Variants in DIAPH3 observed in about 807,000 individuals in gnomAD.
DIAPH3 encodes the protein protein diaphanous homolog 3.
Under a neutral mutation model 144.3 loss-of-function variants are expected in DIAPH3, and 117 were observed. The observed-to-expected ratio is 0.81, with a 90% CI of 0.70 to 0.95. DIAPH3 has a LOEUF of 0.95. Ranked by LOEUF, DIAPH3 falls within the 40% of genes least tolerant of loss-of-function variation. DIAPH3 has a pLI of 0.00. For missense variants in DIAPH3, 1,421 were observed against 1,412.7 expected, an observed-to-expected ratio of 1.01 and a Z score of -0.09; for synonymous variants, 519 against 488.9, an observed-to-expected ratio of 1.06 and a Z score of -0.81.
intron 20 of DIAPH3, among the ~76,000 whole-genome samples, chr13:59,890,241 C>A (rs1238282328): frequency 6.6e-6 from 1 of 152,106 alleles, no homozygotes; most frequent in Non-Finnish European, 1.5e-5. Context: ...CCTGTAGATA[C>A]CAGCTGTTTC....
chr13:59,750,268 C>T (rs952635975), intron 27 of DIAPH3, among the ~76,000 whole-genome samples: 2 of 152,152 alleles, frequency 1.3e-5, no homozygotes, highest in Non-Finnish European at 2.9e-5. Flanking sequence ...GCTATGTTTA[C>T]ACAATAGCTG....
intron 4 of DIAPH3, among the ~76,000 whole-genome samples, chr13:60,075,682 C>T (rs571955321): frequency 7.2e-5 from 11 of 152,276 alleles, no homozygotes; most frequent in Middle Eastern, 3.4e-3. Context: ...TAGTGATGAA[C>T]GGGGCTGCAG....
chr13:59,992,283 AT>A, intron 10 of DIAPH3, 97 bp from the exon 11 acceptor site: 1 of 1,110,332 alleles, frequency 9.0e-7, no homozygotes, highest in East Asian at 2.6e-5. Flanking sequence ...ATTCAACTTG[AT>A]TTATAGCATT....
intron 17 of DIAPH3, among the ~76,000 whole-genome samples, chr13:59,959,609 G>A (rs1430654492): frequency 6.6e-6 from 1 of 152,108 alleles, no homozygotes; most frequent in African/African-American, 2.4e-5. Flanking sequence ...TGACTTGCTC[G>A]GCTATTGCTG....
intron 27 of DIAPH3, among the ~76,000 whole-genome samples, chr13:59,730,276 T>A (rs1293388472): frequency 1.3e-5 from 2 of 152,200 alleles, no homozygotes; most frequent in African/African-American, 4.8e-5. Context: ...CAATTTCTAT[T>A]ATGTGCCTGG....
chr13:59,857,949 T>C (rs1177609949), intron 22 of DIAPH3, among the ~76,000 whole-genome samples: 1 of 152,124 alleles, frequency 6.6e-6, no homozygotes, highest in African/African-American at 2.4e-5. Flanking sequence ...GCAGGATTTT[T>C]TCAAGTAAAC....
chr13:59,881,601 T>C (rs778464028), intron 20 of DIAPH3, among the ~76,000 whole-genome samples: 1 of 152,214 alleles, frequency 6.6e-6, no homozygotes, highest in African/African-American at 2.4e-5. Flanking sequence ...GCTAACCATA[T>C]GTAGCCAGCA....
chr13:59,720,215 C>T (rs2035270187), intron 27 of DIAPH3, among the ~76,000 whole-genome samples: 1 of 151,910 alleles, frequency 6.6e-6, no homozygotes, highest in Non-Finnish European at 1.5e-5. Flanking sequence ...AATTGTACAC[C>T]TGTATAGGGC....
Position 59,810,904 on chromosome 13 carries a change from A to G in DIAPH3, c.3047T>C (p.Ile1016Thr), listed in dbSNP as rs1308000751. 6.4e-7 allele frequency: 1 copy of G among 1,561,518 alleles called. No homozygotes were observed. Among genetic ancestry groups the G allele is most frequent in the African/African-American group, 1.6e-5 (1 of 61,704 alleles). Residue 1016 changes from isoleucine (I) to threonine (T), a missense_variant, in exon 25 of 28, where the codon ATC (isoleucine) becomes ACC (threonine). Physicochemically the swap from Ile to Thr is moderately conservative, Grantham distance 89. Coordinates refer to ENST00000400324, the MANE Select transcript of DIAPH3 (RefSeq NM_001042517.2). ...TTTTTCCTCTGCTTCTCTTTTTTTG[A>G]TATTCTCCTTTATTGCTTGCTAAAA... Reference protein sequence around the residue: ...TTFMQAIKENIKKREAEEKEK... With the variant: ...TTFMQAIKENTKKREAEEKEK...
At chr13:59,795,891 C>A (rs540979066) in intron 25 of DIAPH3, among the ~76,000 whole-genome samples, 1 of 152,274 alleles carries the variant, frequency 6.6e-6, no homozygotes, top group African/African-American at 2.4e-5. Context: ...ACCCGCTTGC[C>A]AGCCATCTTG....
At chr13:60,130,164 A>G (rs532825655) in intron 2 of DIAPH3, among the ~76,000 whole-genome samples, 2 of 152,294 alleles carry the variant, frequency 1.3e-5, no homozygotes, top group African/African-American at 4.8e-5. Context: ...CAAATCCAAC[A>G]ATGCTCTTTC....
chr13:59,679,723 T>C (rs961470187), intron 27 of DIAPH3, among the ~76,000 whole-genome samples: 6 of 152,074 alleles, frequency 3.9e-5, no homozygotes, highest in African/African-American at 1.4e-4. Context: ...ATAATCCATG[T>C]GGTATTTGAA....
chr13:60,028,019 T>TGTGG (rs930449559), intron 5 of DIAPH3, among the ~76,000 whole-genome samples: 3 of 152,176 alleles, frequency 2.0e-5, no homozygotes, highest in African/African-American at 7.2e-5. Context: ...GCTACTTTTG[T>TGTGG]GTGGCAATGC....
intron 27 of DIAPH3, among the ~76,000 whole-genome samples, chr13:59,707,722 A>G (rs1012918287): frequency 2.0e-5 from 3 of 152,208 alleles, no homozygotes; most frequent in African/African-American, 4.8e-5. Context: ...CAGTGAAACA[A>G]GAACTTCTAC....
Position 59,992,348 on chromosome 13 carries a change from A to G in DIAPH3, c.1125+125T>C, listed in dbSNP as rs183240589. 3.0e-4 allele frequency: 328 copies of G among 1,085,198 alleles called. 2 individuals are homozygous for G. The Middle Eastern group carries it at 4.4e-3, about 15-fold the overall frequency. 67.2% of individuals were successfully genotyped at this position (1,085,198 alleles called of 1,614,324 possible). On this transcript the variant is annotated intron_variant, in intron 10 of 27. Transcript: ENST00000400324. ...GAATCTTATCATCTATATTTCAAAA[A>G]TAGATTTTTTAACTCAAGCCTTTTC...
intron 27 of DIAPH3, among the ~76,000 whole-genome samples, chr13:59,764,446 C>G (rs2037770222): frequency 6.6e-6 from 1 of 151,466 alleles, no homozygotes. Context: ...AGTCCATTTG[C>G]CACTGGGGCC....
At chr13:59,955,291 G>A (rs2049333747) in intron 17 of DIAPH3, among the ~76,000 whole-genome samples, 1 of 151,982 alleles carries the variant, frequency 6.6e-6, no homozygotes, top group Admixed American at 6.6e-5. Flanking sequence ...ATCGAATCAT[G>A]GGGGCGGGTT....
intron 9 of DIAPH3, among the ~76,000 whole-genome samples, chr13:59,995,492 C>G (rs184458348): frequency 1.1e-4 from 16 of 151,956 alleles, no homozygotes; most frequent in African/African-American, 3.6e-4. Context: ...CAGTTTACCC[C>G]GATATTGGCT....
At chr13:60,005,863 T>C (rs889170635) in intron 9 of DIAPH3, among the ~76,000 whole-genome samples, 2 of 152,190 alleles carry the variant, frequency 1.3e-5, no homozygotes, top group South Asian at 2.1e-4. Flanking sequence ...AAATTAAACC[T>C]GTATCAAAAC....
Sources: allele counts gnomAD v4.1 joint callset (sites outside exome capture counted in the v4.1 genomes callset), GRCh38; gene constraint gnomAD v4.1.1; transcripts MANE v1.5; gene names NCBI Gene and HGNC (gene_info 2026-07-23, HGNC 2026-07-21).